KCNB2: variants seen among roughly 807,000 people sequenced by gnomAD.
KCNB2 encodes delayed rectifier potassium channel protein.
KCNB2 carries 15 observed loss-of-function variants against 61.5 expected under a neutral mutation model. The observed-to-expected ratio is 0.24, with a 90% CI of 0.16 to 0.38. The LOEUF is 0.38. Ranked by LOEUF, KCNB2 falls within the 10% of genes least tolerant of loss-of-function variation. The pLI is 1.00. For missense variants in KCNB2, 828 were observed against 1,125.2 expected, an observed-to-expected ratio of 0.74 and a Z score of 3.78; for synonymous variants, 457 against 446.0, an observed-to-expected ratio of 1.02 and a Z score of -0.31.
chr8:72,592,351 A>G (rs1356181816), intron 2 of KCNB2, among the ~76,000 whole-genome samples: 2 of 152,162 alleles, frequency 1.3e-5, no homozygotes, highest in African/African-American at 2.4e-5. Flanking sequence ...ACCTCAAACA[A>G]TACATCAGTA....
At chr8:72,650,631 A>G (rs1230671387) in intron 2 of KCNB2, among the ~76,000 whole-genome samples, 1 of 152,122 alleles carries the variant, frequency 6.6e-6, no homozygotes, top group Non-Finnish European at 1.5e-5. Flanking sequence ...TCAGCATCAC[A>G]AGCTCTTGTC....
At chr8:72,888,077 C>A (rs529254278) in intron 2 of KCNB2, among the ~76,000 whole-genome samples, 2 of 152,266 alleles carry the variant, frequency 1.3e-5, no homozygotes, top group African/African-American at 2.4e-5. Context: ...ATAAATATTT[C>A]TTGATTGATT....
At chr8:72,667,676 C>T (rs1488548637) in intron 2 of KCNB2, among the ~76,000 whole-genome samples, 2 of 152,078 alleles carry the variant, frequency 1.3e-5, no homozygotes, top group Non-Finnish European at 2.9e-5. Context: ...TCCCTCACCC[C>T]AGCCCCATTT....
chr8:72,743,225 T>C (rs1440263644), intron 2 of KCNB2, among the ~76,000 whole-genome samples: 1 of 152,230 alleles, frequency 6.6e-6, no homozygotes, highest in Non-Finnish European at 1.5e-5. Context: ...AGCTGTAGTA[T>C]ACTATGACTT....
chr8:72,568,306 C>T lies in KCNB2; in HGVS notation c.572C>T (p.Ala191Val). The change falls in exon 2 of 3, where the codon GCT (alanine) becomes GTT (valine). Residue 191 changes from alanine (A) to valine (V), a missense_variant. This residue lies in a region of KCNB2 where 163 missense variants were observed against 314.4 expected (regional missense o/e 0.52). Transcript: ENST00000523207. The part of the protein sequence containing the change: ...DLLEKPNSSV[A>V]AKILAIVSIL... ...CTGGAGAAACCTAACTCATCAGTGG[C>T]TGCAAAGGTATGAAACCCATAGTAT... 4 of 1,609,368 alleles carry T rather than the reference C, an allele frequency of 2.5e-6. No homozygotes were observed. Among genetic ancestry groups the T allele is most frequent in the Non-Finnish European group, 3.4e-6 (4 of 1,178,342 alleles).
At chr8:72,749,885 T>G (rs1808158916) in intron 2 of KCNB2, among the ~76,000 whole-genome samples, 1 of 148,254 alleles carries the variant, frequency 6.7e-6, no homozygotes, top group Non-Finnish European at 1.5e-5. Flanking sequence ...ATCCATGTTT[T>G]AAAACATAAT....
At chr8:72,835,910 A>G (rs1809774016) in intron 2 of KCNB2, among the ~76,000 whole-genome samples, 1 of 152,208 alleles carries the variant, frequency 6.6e-6, no homozygotes, top group African/African-American at 2.4e-5. Flanking sequence ...AGGCCTCAAC[A>G]TTTGACTTTC....
chr8:72,766,351 A>C (rs937749429), intron 2 of KCNB2, among the ~76,000 whole-genome samples: 1 of 152,182 alleles, frequency 6.6e-6, no homozygotes, highest in Non-Finnish European at 1.5e-5. Context: ...AACTCTTCCC[A>C]ATTTCTTCTT....
chr8:72,613,912 G>A (rs545802824), intron 2 of KCNB2, among the ~76,000 whole-genome samples: 47 of 152,266 alleles, frequency 3.1e-4, no homozygotes, highest in Non-Finnish European at 6.2e-4. Context: ...GATCTTACCC[G>A]TTCTCAATAC....
At chr8:72,852,924 A>G (rs113069836) in intron 2 of KCNB2, among the ~76,000 whole-genome samples, 1,792 of 152,320 alleles carry the variant, frequency 0.012, 18 homozygotes, top group Non-Finnish European at 0.021. Flanking sequence ...GACTATTTGG[A>G]GAGTGTTTGC....
At position 72,914,295 on chromosome 8, in the gene KCNB2, G is replaced by A. The variant is rs191937330; in HGVS notation, c.580-21640G>A. 2.9e-4 allele frequency among the ~76,000 whole-genome samples: 44 copies of A among 152,250 alleles called. No homozygotes were observed. The East Asian group carries it at 5.0e-3, about 17-fold the overall frequency. On this transcript the variant is annotated intron_variant, in intron 2 of 2. Coordinates refer to ENST00000523207, the MANE Select transcript of KCNB2 (RefSeq NM_004770.3). The stretch of plus-strand genomic sequence containing the variant: ...TATGATTGCAACATATGAATTTAGT[G>A]GGGACACAAACATCCAAACCATAGG...
intron 2 of KCNB2, among the ~76,000 whole-genome samples, chr8:72,640,794 CTT>C (rs2128985677): frequency 6.6e-6 from 1 of 152,130 alleles, no homozygotes; most frequent in East Asian, 1.9e-4. Flanking sequence ...TGATGAAAAA[CTT>C]TATCTTTAGA....
At chr8:72,600,892 A>C (rs1805339269) in intron 2 of KCNB2, among the ~76,000 whole-genome samples, 1 of 152,132 alleles carries the variant, frequency 6.6e-6, no homozygotes, top group Non-Finnish European at 1.5e-5. Flanking sequence ...AATAGGTACT[A>C]GGCTTAATAC....
rs1214609193 is a variant in KCNB2, at chr8:72,568,216, A to T, written c.482A>T (p.Glu161Val). 7 of 1,614,184 alleles carry T rather than the reference A, an allele frequency of 4.3e-6. No individual in the cohort carries two copies. The South Asian group carries it at 7.7e-5, about 18-fold the overall frequency. The change falls in exon 2 of 3, where the codon GAG becomes GTG. Residue 161 changes from glutamate to valine, a missense_variant. Coordinates refer to ENST00000523207, the MANE Select transcript of KCNB2 (RefSeq NM_004770.3). Reference protein sequence around the residue: ...ELRREAETMREREGEEFDNTC... With the variant: ...ELRREAETMRVREGEEFDNTC... ...AGGCGAGAGGCAGAGACTATGCGAG[A>T]GCGAGAAGGAGAAGAGTTTGATAAT...
chr8:72,892,184 T>C (rs1296685773), intron 2 of KCNB2, among the ~76,000 whole-genome samples: 2 of 152,192 alleles, frequency 1.3e-5, no homozygotes, highest in Non-Finnish European at 2.9e-5. Flanking sequence ...CCACTGAGGA[T>C]TGGTTCAAAA....
intron 2 of KCNB2, among the ~76,000 whole-genome samples, chr8:72,753,501 T>A (rs1365965718): frequency 1.3e-5 from 2 of 152,192 alleles, no homozygotes; most frequent in African/African-American, 4.8e-5. Context: ...GGTTGAGAGT[T>A]ACACACTGGG....
rs991331628 is a variant in KCNB2, at chr8:72,613,229, T to C, written c.579+44916T>C. 2.6e-5 allele frequency among the ~76,000 whole-genome samples: 4 copies of C among 152,096 alleles called. No individual in the cohort carries two copies. In the South Asian group the frequency reaches 8.3e-4, roughly 31 times the overall value. ...AAACAATGGATTTCAAACAGGCAAT[T>C]ATCTCCAGATAAATTCAATCATAGC... On this transcript the variant is annotated intron_variant, in intron 2 of 2. Transcript: ENST00000523207.
chr8:72,725,875 T>A (rs2128993120), intron 2 of KCNB2, among the ~76,000 whole-genome samples: 1 of 152,096 alleles, frequency 6.6e-6, no homozygotes, highest in Non-Finnish European at 1.5e-5. Context: ...CTAAATTAAT[T>A]TTTTAAAAGG....
intron 2 of KCNB2, among the ~76,000 whole-genome samples, chr8:72,832,865 C>A (rs1165911134): frequency 1.3e-5 from 2 of 152,154 alleles, no homozygotes; most frequent in Admixed American, 1.3e-4. Flanking sequence ...GATCCCAAAT[C>A]TTTTATAAGT....
Sources: allele counts gnomAD v4.1 joint callset (sites outside exome capture counted in the v4.1 genomes callset), GRCh38; gene constraint gnomAD v4.1.1; regional missense constraint gnomAD v4.1.1; transcripts MANE v1.5; gene names NCBI Gene and HGNC (gene_info 2026-07-23, HGNC 2026-07-21).